The following ROBO1 variants were observed in gnomAD, a reference collection of about 807,000 sequenced individuals.
ROBO1 encodes roundabout homolog 1.
ROBO1 carries 149 observed loss-of-function variants against 195.9 expected under a neutral mutation model. That is an observed-to-expected ratio of 0.76 (90% CI 0.67 to 0.87). ROBO1 has a LOEUF of 0.87. Ranked by LOEUF, ROBO1 falls within the 40% of genes least tolerant of loss-of-function variation. ROBO1 has a pLI of 0.00. For missense variants in ROBO1, 1,933 were observed against 2,068.3 expected (o/e 0.93, Z 1.27); for synonymous variants, 816 against 733.2 (o/e 1.11, Z -1.82).
At chr3:79,159,721 C>T (rs2080921959) in intron 2 of ROBO1, among the ~76,000 whole-genome samples, 1 of 152,006 alleles carries the variant, frequency 6.6e-6, no homozygotes. Flanking sequence ...ATAATTTGTA[C>T]CACATCCATT....
intron 2 of ROBO1, among the ~76,000 whole-genome samples, chr3:79,272,098 A>T (rs1354656029): frequency 6.6e-6 from 1 of 152,066 alleles, no homozygotes; most frequent in African/African-American, 2.4e-5. Flanking sequence ...GTGTCGCAGC[A>T]CTCAGAAACA....
chr3:79,757,096 C>T (rs1240475160), intron 1 of ROBO1, among the ~76,000 whole-genome samples: 1 of 152,056 alleles, frequency 6.6e-6, no homozygotes, highest in Non-Finnish European at 1.5e-5. Flanking sequence ...TACTTTTTGG[C>T]TATTGTGAAT....
intron 1 of ROBO1, among the ~76,000 whole-genome samples, chr3:79,757,266 G>A (rs73849833): frequency 0.021 from 3,239 of 152,062 alleles, 121 homozygotes; most frequent in African/African-American, 0.072. Context: ...ACCACTTCAC[G>A]TTTCCACCAG....
intron 4 of ROBO1, among the ~76,000 whole-genome samples, chr3:78,802,707 G>GCATCATCATCATCAT (rs58983750): frequency 6.7e-6 from 1 of 149,634 alleles, no homozygotes; most frequent in Non-Finnish European, 1.5e-5. Context: ...CTGCGGTCTA[G>GCATCATCATCATCAT]CATCATCATC....
intron 9 of ROBO1, among the ~76,000 whole-genome samples, chr3:78,687,388 TAATCA>T (rs2107833406): frequency 6.6e-6 from 1 of 152,260 alleles, no homozygotes; most frequent in East Asian, 1.9e-4. Flanking sequence ...CTATATACCA[TAATCA>T]AATCAATATT....
chr3:78,646,385 A>G (rs1706292912), intron 20 of ROBO1, among the ~76,000 whole-genome samples, 195 bp from the exon 21 acceptor site: 1 of 150,500 alleles, frequency 6.6e-6, no homozygotes, highest in Non-Finnish European at 1.5e-5. Flanking sequence ...TTAGATATAC[A>G]TATCATATAT....
intron 1 of ROBO1, among the ~76,000 whole-genome samples, chr3:79,757,894 G>A (rs554605624): frequency 6.6e-6 from 1 of 152,180 alleles, no homozygotes; most frequent in East Asian, 1.9e-4. Context: ...AAGAAGTTGT[G>A]GTTGAATATT....
intron 2 of ROBO1, among the ~76,000 whole-genome samples, chr3:79,528,287 T>C (rs1208962127): frequency 6.6e-6 from 1 of 152,188 alleles, no homozygotes; most frequent in African/African-American, 2.4e-5. Context: ...TCTTTCCTTT[T>C]CTTTTCTCCC....
chr3:78,727,231 A>G (rs999826069), intron 5 of ROBO1, among the ~76,000 whole-genome samples: 1 of 152,004 alleles, frequency 6.6e-6, no homozygotes, highest in Admixed American at 6.6e-5. Context: ...TAATTCATAT[A>G]ATTCAGATAT....
chr3:79,529,443 C>A (rs1941561469), intron 2 of ROBO1, among the ~76,000 whole-genome samples: 1 of 152,314 alleles, frequency 6.6e-6, no homozygotes, highest in South Asian at 2.1e-4. Context: ...TGCCACTGCA[C>A]TCCAGCCTGG....
chr3:79,208,759 G>A (rs1272293993), intron 2 of ROBO1, among the ~76,000 whole-genome samples: 1 of 151,394 alleles, frequency 6.6e-6, no homozygotes, highest in African/African-American at 2.4e-5. Flanking sequence ...TGTGGTTGGC[G>A]GGGGCATGGT....
At chr3:79,040,001 TACTTTGACATGGTTGTCTTTCTG>T (rs2078455432) in intron 3 of ROBO1, among the ~76,000 whole-genome samples, 1 of 152,218 alleles carries the variant, frequency 6.6e-6, no homozygotes, top group South Asian at 2.1e-4. Context: ...TAACCATCAT[TACTTTGACATGGTTGTCTTTCTG>T]ACCTATAGAC....
At chr3:79,343,438 C>A (rs2034988092) in intron 2 of ROBO1, among the ~76,000 whole-genome samples, 1 of 152,056 alleles carries the variant, frequency 6.6e-6, no homozygotes, top group Non-Finnish European at 1.5e-5. Context: ...CGTTTGCAAT[C>A]CCACCAGCAA....
rs551947857 is a variant in ROBO1, at chr3:79,192,719, G to A, written c.89-67180C>T. Among the ~76,000 whole-genome samples the A allele has an allele frequency of 4.0e-5, 6 of 151,660 alleles. No individual in the cohort carries two copies. The South Asian group carries it at 1.0e-3, about 26-fold the overall frequency. ...GAATGACAAGACGAGGTAGAAGTAGGAATCTGCTGAAACACCCAAGATGAT... is the reference window on the plus strand; with the variant it reads ...GAATGACAAGACGAGGTAGAAGTAGAAATCTGCTGAAACACCCAAGATGAT... On this transcript the variant is annotated intron_variant, in intron 2 of 30. Transcript: ENST00000464233.
chr3:78,772,061 C>A (rs983756712), intron 4 of ROBO1, among the ~76,000 whole-genome samples: 1 of 151,986 alleles, frequency 6.6e-6, no homozygotes, highest in African/African-American at 2.4e-5. Context: ...TTGACAAAAA[C>A]CATATACAAA....
At chr3:78,979,973 C>T (rs1045701925) in intron 3 of ROBO1, among the ~76,000 whole-genome samples, 3 of 152,130 alleles carry the variant, frequency 2.0e-5, no homozygotes, top group Non-Finnish European at 4.4e-5. Context: ...TTCCCTGCCT[C>T]AGGGTATTCC....
chr3:78,836,512 C>CAAAAAAAAAAAAAAAAAA (rs370559968), intron 4 of ROBO1, among the ~76,000 whole-genome samples: 9 of 122,362 alleles, frequency 7.4e-5, no homozygotes, highest in South Asian at 2.7e-4. Context: ...ACTCTGTCTC[C>CAAAAAAAAAAAAAAAAAA]AAAAAAAAAA....
At chr3:78,763,549 C>G (rs1199206021) in intron 4 of ROBO1, among the ~76,000 whole-genome samples, 1 of 152,130 alleles carries the variant, frequency 6.6e-6, no homozygotes, top group African/African-American at 2.4e-5. Context: ...TTTGGTAATA[C>G]ATGCCTATAA....
At chr3:79,273,125 TAAAAG>T (rs2030718376) in intron 2 of ROBO1, among the ~76,000 whole-genome samples, 1 of 152,034 alleles carries the variant, frequency 6.6e-6, no homozygotes, top group South Asian at 2.1e-4. Context: ...CTCTTCAATC[TAAAAG>T]AAAAGGACAT....
Sources: allele counts gnomAD v4.1 joint callset (sites outside exome capture counted in the v4.1 genomes callset), GRCh38; gene constraint gnomAD v4.1.1; transcripts MANE v1.5; gene names NCBI Gene and HGNC (gene_info 2026-07-23, HGNC 2026-07-21).